Variants in PYGO1 observed in about 807,000 individuals in gnomAD.
PYGO1 encodes pygopus family PHD finger 1.
Under a neutral mutation model 29.5 loss-of-function variants are expected in PYGO1, and 6 were observed. That is an observed-to-expected ratio of 0.20 (90% CI 0.11 to 0.40). The LOEUF (loss-of-function observed/expected upper bound fraction) is 0.40. Ranked by LOEUF, PYGO1 falls within the 10% of genes least tolerant of loss-of-function variation. The probability of loss-of-function intolerance (pLI) is 1.00; values close to 1 mark genes in which losing one functional copy is unlikely to be tolerated. For synonymous variants in PYGO1, 186 were observed against 180.5 expected (o/e 1.03, Z -0.24); for missense variants, 515 against 514.9 (o/e 1.00, Z 0.00).
At chr15:55,560,385 C>A (rs1304059948) in intron 1 of PYGO1, among the ~76,000 whole-genome samples, 1 of 151,962 alleles carries the variant, frequency 6.6e-6, no homozygotes, top group South Asian at 2.1e-4. Context: ...TATACACCAA[C>A]AACAACCAAG....
At chr15:55,582,815 T>C (rs141086294) in intron 1 of PYGO1, among the ~76,000 whole-genome samples, 2,198 of 152,242 alleles carry the variant, frequency 0.014, 30 homozygotes, top group Non-Finnish European at 0.024. Context: ...AAAAAATCCT[T>C]TCCTTCAGAC....
At chr15:55,575,748 T>C (rs1484764138) in intron 1 of PYGO1, among the ~76,000 whole-genome samples, 1 of 152,214 alleles carries the variant, frequency 6.6e-6, no homozygotes, top group Admixed American at 6.5e-5. Context: ...AACAGACTTC[T>C]GCACTCCTCA....
chr15:55,575,157 T>G (rs1390739041), intron 1 of PYGO1, among the ~76,000 whole-genome samples: 1 of 152,230 alleles, frequency 6.6e-6, no homozygotes, highest in African/African-American at 2.4e-5. Context: ...TTTTAAACTA[T>G]GTATCAGTGG....
intron 1 of PYGO1, among the ~76,000 whole-genome samples, chr15:55,587,161 T>C (rs1240829830): frequency 6.6e-6 from 1 of 152,194 alleles, no homozygotes; most frequent in Non-Finnish European, 1.5e-5. Context: ...ATCTTTTGTT[T>C]GACACATGGT....
Position 55,556,239 on chromosome 15 carries a change from T to C in PYGO1, c.50-7244A>G, listed in dbSNP as rs892651495. On this transcript the variant is annotated intron_variant, in intron 1 of 2. Coordinates refer to ENST00000563719, the MANE Select transcript of PYGO1 (RefSeq NM_001367806.1). Reference sequence around the variant, plus strand: ...CGACACATGGCACTTACTCTAAAATTGATCACAATCGGAAGTAAAACACTC... The same window carrying C: ...CGACACATGGCACTTACTCTAAAATCGATCACAATCGGAAGTAAAACACTC... Among the ~76,000 whole-genome samples, 4 of 152,278 alleles carry C rather than the reference T, an allele frequency of 2.6e-5. No homozygotes were observed. The East Asian group carries it at 7.7e-4, about 29-fold the overall frequency.
intron 1 of PYGO1, among the ~76,000 whole-genome samples, chr15:55,577,158 G>A (rs963831584): frequency 1.3e-5 from 2 of 152,130 alleles, no homozygotes; most frequent in African/African-American, 4.8e-5. Flanking sequence ...TATCTGATCG[G>A]TTTCTCTGCC....
chr15:55,571,579 G>A (rs1166566904), intron 1 of PYGO1, among the ~76,000 whole-genome samples: 2 of 152,098 alleles, frequency 1.3e-5, no homozygotes, highest in African/African-American at 2.4e-5. Flanking sequence ...GGGTTTCCCT[G>A]CACACGCTCT....
chr15:55,566,824 G>A (rs528402412), intron 1 of PYGO1, among the ~76,000 whole-genome samples: 2 of 152,242 alleles, frequency 1.3e-5, no homozygotes, highest in South Asian at 4.1e-4. Flanking sequence ...TTGCCCTCCT[G>A]GGGTAAGGTG....
chr15:55,559,835 G>A (rs1055637819), intron 1 of PYGO1, among the ~76,000 whole-genome samples: 14 of 152,038 alleles, frequency 9.2e-5, no homozygotes, highest in East Asian at 3.9e-4. Flanking sequence ...AAAAGTTTAC[G>A]CACCATGATC....
Position 55,547,129 on chromosome 15 carries a change from A to C in PYGO1, c.154T>G (p.Leu52Val). The change falls in exon 3 of 3, where the codon TTG becomes GTG. Residue 52 changes from leucine to valine, a missense_variant. Physicochemically the swap from Leu to Val is conservative, Grantham distance 32. Coordinates refer to ENST00000563719, the MANE Select transcript of PYGO1 (RefSeq NM_001367806.1). ...ANTQGPSFPP[L>V]SEYAPPPNPN... ...TTCGGTGGTGGAGCATACTCAGACAATGGAGGGAAAGAAGGTCCCTGAAAT... is the reference window on the plus strand; with the variant it reads ...TTCGGTGGTGGAGCATACTCAGACACTGGAGGGAAAGAAGGTCCCTGAAAT... 5.6e-6 allele frequency: 9 copies of C among 1,598,782 alleles called. No individual in the cohort carries two copies. Among genetic ancestry groups the C allele is most frequent in the Non-Finnish European group, 7.7e-6 (9 of 1,172,432 alleles).
intron 1 of PYGO1, among the ~76,000 whole-genome samples, chr15:55,565,784 A>AT (rs983133800): frequency 1.3e-5 from 2 of 151,838 alleles, no homozygotes; most frequent in African/African-American, 4.8e-5. Context: ...GTCCTTTGCC[A>AT]TTTTTTCTTT....
chr15:55,561,067 C>T (rs11634055), intron 1 of PYGO1, among the ~76,000 whole-genome samples: 8,171 of 152,254 alleles, frequency 0.054, 275 homozygotes, highest in Middle Eastern at 0.068. Flanking sequence ...GGAGGCATCA[C>T]ACTACCTAGC....
intron 1 of PYGO1, among the ~76,000 whole-genome samples, chr15:55,580,418 G>C (rs918809477): frequency 2.6e-5 from 4 of 152,140 alleles, no homozygotes; most frequent in African/African-American, 7.2e-5. Flanking sequence ...AGAGAATGTT[G>C]ATCACATTAC....
At chr15:55,582,267 TG>T (rs1439965409) in intron 1 of PYGO1, among the ~76,000 whole-genome samples, 1 of 149,930 alleles carries the variant, frequency 6.7e-6, no homozygotes, top group African/African-American at 2.5e-5. Flanking sequence ...CAGTGTTGCG[TG>T]GGAGTAGGGG....
chr15:55,556,524 A>G (rs747558238), intron 1 of PYGO1, among the ~76,000 whole-genome samples: 1 of 152,174 alleles, frequency 6.6e-6, no homozygotes, highest in Non-Finnish European at 1.5e-5. Context: ...TTATAGCACT[A>G]AATGCCCACA....
intron 1 of PYGO1, among the ~76,000 whole-genome samples, chr15:55,579,181 T>C (rs544908560): frequency 2.7e-4 from 41 of 152,198 alleles, no homozygotes; most frequent in East Asian, 3.8e-4. Flanking sequence ...AAAATGATGA[T>C]TGCAGATTAA....
intron 1 of PYGO1, among the ~76,000 whole-genome samples, chr15:55,556,175 T>C (rs1345185145): frequency 1.3e-5 from 2 of 152,076 alleles, no homozygotes; most frequent in African/African-American, 2.4e-5. Flanking sequence ...ATATACAGAA[T>C]TTTCCACCCA....
intron 1 of PYGO1, among the ~76,000 whole-genome samples, chr15:55,559,264 T>C (rs1400814832): frequency 6.6e-6 from 1 of 151,948 alleles, no homozygotes; most frequent in Non-Finnish European, 1.5e-5. Context: ...GAAATGCAAA[T>C]CAAAACCACA....
chr15:55,576,157 G>T (rs1476881955), intron 1 of PYGO1, among the ~76,000 whole-genome samples: 4 of 152,132 alleles, frequency 2.6e-5, no homozygotes, highest in Admixed American at 2.6e-4. Context: ...GTTAAAGCTT[G>T]TTAATTTAAA....
Sources: gnomAD v4.1 joint callset for allele counts (sites outside exome capture counted in the v4.1 genomes callset) on GRCh38, gnomAD v4.1.1 for gene constraint, MANE v1.5 for transcripts, NCBI Gene and HGNC (gene_info 2026-07-23, HGNC 2026-07-21) for gene names.